NHSL2: variants seen among roughly 807,000 people sequenced by gnomAD.
The protein encoded by NHSL2 is NHS-like protein 2.
NHSL2 carries 27 observed loss-of-function variants against 53.4 expected under a neutral mutation model. The observed-to-expected ratio is 0.51, with a 90% confidence interval of 0.37 to 0.70. NHSL2 has a LOEUF of 0.70. NHSL2 is among the 30% of genes least tolerant of loss of function. The pLI is 0.00. For synonymous variants in NHSL2, 408 were observed against 404.1 expected (o/e 1.01, Z -0.12); for missense variants, 892 against 980.1 (o/e 0.91, Z 1.20).
intron 1 of NHSL2, among the ~76,000 whole-genome samples, chrX:72,050,087 C>T (rs2042331120): frequency 9.2e-6 from 1 of 108,904 alleles, no homozygotes. Flanking sequence ...CAGAAGGCCT[C>T]GTGGTACTTA....
At chrX:72,062,688 G>A (rs774982798) in intron 1 of NHSL2, among the ~76,000 whole-genome samples, 1 of 112,424 alleles carries the variant, frequency 8.9e-6, no homozygotes, top group East Asian at 2.8e-4. Context: ...GGTTTCCTTT[G>A]CAAGTCTAGA....
At chrX:72,084,309 C>T (rs959596471) in intron 1 of NHSL2, among the ~76,000 whole-genome samples, 31 of 112,450 alleles carry the variant, frequency 2.8e-4, no homozygotes, top group African/African-American at 9.4e-4. Context: ...TTTCCAGATG[C>T]CAAGCCAGAG....
At chrX:72,004,593 G>A (rs2042085518) in intron 1 of NHSL2, among the ~76,000 whole-genome samples, 1 of 111,377 alleles carries the variant, frequency 9.0e-6, no homozygotes, top group African/African-American at 3.3e-5. Context: ...AGTGTTTGGG[G>A]CTGTGGGAGC....
intron 1 of NHSL2, among the ~76,000 whole-genome samples, chrX:72,007,620 A>G (rs2042099708): frequency 1.8e-5 from 2 of 113,257 alleles, no homozygotes; most frequent in Admixed American, 1.8e-4. Flanking sequence ...TGCCAGACAC[A>G]CAAAAGCTCA....
At chrX:72,067,663 C>A (rs1278174950) in intron 1 of NHSL2, among the ~76,000 whole-genome samples, 1 of 112,320 alleles carries the variant, frequency 8.9e-6, no homozygotes, top group Non-Finnish European at 1.9e-5. Context: ...CAAGATGCTT[C>A]ACTTCTGGCC....
intron 1 of NHSL2, among the ~76,000 whole-genome samples, chrX:71,987,279 G>A (rs1314227466): frequency 8.9e-6 from 1 of 112,419 alleles, no homozygotes; most frequent in Non-Finnish European, 1.9e-5. Flanking sequence ...TTAATTCTTA[G>A]CAACTTTTAC....
At position 72,152,871 on chromosome X, in the gene NHSL2, C is replaced by A. The variant is rs1264720739; in HGVS notation, c.*9297C>A. 1 of 112,350 alleles carries A rather than the reference C, an allele frequency of 8.9e-6. No individual in the cohort carries two copies. The highest frequency in any genetic ancestry group is 1.9e-5 in the Non-Finnish European group (1 of 53,303). The allele number at this position is 112,350 out of a possible 1,213,427, so 9.3% of individuals were successfully genotyped here. ...TGCCAAAAGCAAACTGAGGAATGAG[C>A]ATTGGCCAGTCCTAGTATGCAGTCA... On this transcript the variant is annotated 3_prime_UTR_variant, in exon 8 of 8. Coordinates refer to ENST00000633930, the MANE Select transcript of NHSL2 (RefSeq NM_001013627.3).
At chrX:72,098,259 AAG>A (rs1237741957) in intron 1 of NHSL2, among the ~76,000 whole-genome samples, 2 of 112,002 alleles carry the variant, frequency 1.8e-5, no homozygotes, top group Non-Finnish European at 3.8e-5. Flanking sequence ...AAGGTTTGGA[AAG>A]AATAGGACAG....
intron 1 of NHSL2, among the ~76,000 whole-genome samples, chrX:71,990,597 C>A (rs2042023069): frequency 9.0e-6 from 1 of 111,228 alleles, no homozygotes; most frequent in Admixed American, 9.5e-5. Context: ...CACATTCACC[C>A]TTTCTCCTTT....
intron 1 of NHSL2, among the ~76,000 whole-genome samples, chrX:71,949,060 T>G (rs2041808008): frequency 9.1e-6 from 1 of 109,999 alleles, no homozygotes; most frequent in African/African-American, 3.3e-5. Context: ...GCCCGGCCGA[T>G]GTAGTTTTTA....
Position 72,144,335 on chromosome X carries a change from A to G in NHSL2, c.*761A>G. The G allele has an allele frequency of 4.3e-6, 1 of 234,481 alleles. No homozygotes were observed. Among genetic ancestry groups the G allele is most frequent in the Admixed American group, 5.7e-5 (1 of 17,436 alleles). 19.3% of individuals were successfully genotyped at this position (234,481 alleles called of 1,213,427 possible). On this transcript the variant is annotated 3_prime_UTR_variant, in exon 8 of 8. Transcript: ENST00000633930. ...ACCAAGCTTGACCAACAAACAAGAC[A>G]GCCATTTGTTCACTCAGATCTAGCC...
chrX:72,101,419 T>C (rs1424811579), intron 1 of NHSL2, among the ~76,000 whole-genome samples: 1 of 110,093 alleles, frequency 9.1e-6, no homozygotes, highest in Non-Finnish European at 1.9e-5. Flanking sequence ...TGGGAAGCAT[T>C]TGGACTCCAC....
At chrX:71,945,596 C>A (rs987002428) in intron 1 of NHSL2, among the ~76,000 whole-genome samples, 35 of 111,602 alleles carry the variant, frequency 3.1e-4, no homozygotes, top group African/African-American at 1.1e-3. Context: ...GGAGGCTGAG[C>A]CAAGGGTGTG....
intron 4 of NHSL2, among the ~76,000 whole-genome samples, chrX:72,135,154 C>G (rs1323231630): frequency 1.8e-5 from 2 of 111,326 alleles, no homozygotes; most frequent in Admixed American, 9.5e-5. Flanking sequence ...CACCTGGGCA[C>G]AGACCAAAGG....
At chrX:72,131,927 C>G in intron 1 of NHSL2, 152 bp from the exon 2 acceptor site, 3 of 514,946 alleles carry the variant, frequency 5.8e-6, no homozygotes, top group East Asian at 4.0e-5. Context: ...AAAAATCTTG[C>G]GGCCGGCGAT....
intron 1 of NHSL2, among the ~76,000 whole-genome samples, chrX:71,961,860 G>T (rs775871443): frequency 2.1e-4 from 23 of 111,710 alleles, no homozygotes; most frequent in Non-Finnish European, 3.6e-4. Context: ...GTAGAGACAA[G>T]ATTTTGCCAT....
chrX:72,010,086 C>T (rs73561880), intron 1 of NHSL2, among the ~76,000 whole-genome samples: 5,808 of 112,688 alleles, frequency 0.052, 361 homozygotes, highest in African/African-American at 0.18. Flanking sequence ...GAAATTGTTG[C>T]TGCATTAATT....
intron 1 of NHSL2, among the ~76,000 whole-genome samples, chrX:71,981,054 A>C (rs1302198737): frequency 8.9e-6 from 1 of 112,518 alleles, no homozygotes; most frequent in African/African-American, 3.2e-5. Context: ...GTAAGAGCTC[A>C]AGCTGTAAAA....
chrX:72,012,601 A>G (rs2042120651), intron 1 of NHSL2, among the ~76,000 whole-genome samples: 1 of 112,572 alleles, frequency 8.9e-6, no homozygotes, highest in Admixed American at 9.4e-5. Flanking sequence ...TTTAGGACTC[A>G]CTTGAATCCA....
Sources: allele counts gnomAD v4.1 joint callset (sites outside exome capture counted in the v4.1 genomes callset), GRCh38; gene constraint gnomAD v4.1.1; transcripts MANE v1.5; gene names NCBI Gene and HGNC (gene_info 2026-07-23, HGNC 2026-07-21).